Variants in NNMT observed in about 807,000 individuals in gnomAD.
The protein encoded by NNMT is nicotinamide N-methyltransferase.
In NNMT, 10 loss-of-function variants were observed where a neutral mutation model predicts 11.7. The observed-to-expected ratio is 0.85, with a 90% confidence interval of 0.53 to 1.45. The LOEUF is 1.45. Ranked by LOEUF, NNMT falls within the 40% of genes most tolerant of loss-of-function variation. The pLI, the probability that NNMT is intolerant of heterozygous loss-of-function variation, is 0.00. For missense variants in NNMT, 381 were observed against 319.4 expected, an observed-to-expected ratio of 1.19 and a Z score of -1.47; for synonymous variants, 143 against 133.8, an observed-to-expected ratio of 1.07 and a Z score of -0.48.
intron 2 of NNMT, 68 bp downstream of exon 2, chr11:114,298,226 A>G (rs954088129): frequency 1.4e-5 from 19 of 1,331,610 alleles, no homozygotes; most frequent in Non-Finnish European, 1.9e-5. Context: ...AAAGCAACAG[A>G]CAGATAGGGA....
In NNMT at chr11:114,312,132, G is replaced by A; in HGVS notation, c.450G>A (p.Gly150=). ...ATGTGACTCAGAGCCAGCCACTGGG[G>A]GCCGTCCCCTTACCCCCGGCTGACT... The part of the protein sequence containing the change: ...KCDVTQSQPL[G]AVPLPPADCV... The change falls in exon 3 of 3, where the codon GGG becomes GGA. Residue 150 remains glycine, a synonymous_variant. Transcript: ENST00000299964. 6.2e-7 allele frequency: 1 copy of A among 1,613,868 alleles called. No individual in the cohort carries two copies. The highest frequency in any genetic ancestry group is 8.5e-7 in the Non-Finnish European group (1 of 1,179,846).
chr11:114,277,131 G>A (rs1414826099), intron 2 of NNMT, among the ~76,000 whole-genome samples: 1 of 152,154 alleles, frequency 6.6e-6, no homozygotes, highest in Non-Finnish European at 1.5e-5. Context: ...GCTGAAGCAG[G>A]AGAATCTCTT....
intron 2 of NNMT, among the ~76,000 whole-genome samples, chr11:114,298,736 C>T (rs1363420989): frequency 1.3e-5 from 2 of 152,206 alleles, no homozygotes; most frequent in African/African-American, 4.8e-5. Flanking sequence ...ACTTTGTATA[C>T]TTACAACTAA....
chr11:114,294,725 C>T (rs886254606), upstream of NNMT, among the ~76,000 whole-genome samples: 1 of 151,494 alleles, frequency 6.6e-6, no homozygotes, highest in Admixed American at 6.6e-5. Flanking sequence ...TATACACCTA[C>T]TCTGTACCCA....
At chr11:114,266,275 G>A (rs1945119014) in intron 2 of NNMT, among the ~76,000 whole-genome samples, 1 of 152,108 alleles carries the variant, frequency 6.6e-6, no homozygotes, top group African/African-American at 2.4e-5. Flanking sequence ...ACTTGGCTTA[G>A]TCTACCTTTT....
chr11:114,259,800 C>T (rs568751164), intron 1 of NNMT, among the ~76,000 whole-genome samples: 13 of 152,308 alleles, frequency 8.5e-5, no homozygotes, highest in African/African-American at 3.1e-4. Flanking sequence ...AGCTTAAGCC[C>T]TCCTTTATTT....
intron 2 of NNMT, among the ~76,000 whole-genome samples, chr11:114,276,134 C>G (rs1376359049): frequency 6.9e-6 from 1 of 144,820 alleles, no homozygotes; most frequent in African/African-American, 2.6e-5. Context: ...GGGTACCTGC[C>G]AAGGCACCTT....
chr11:114,291,602 C>T (rs568806893), upstream of NNMT, among the ~76,000 whole-genome samples: 1 of 152,248 alleles, frequency 6.6e-6, no homozygotes, highest in East Asian at 1.9e-4. Flanking sequence ...GCTGTTGGCT[C>T]AATGCACGGC....
At chr11:114,261,837 C>A (rs1247004790) in intron 1 of NNMT, among the ~76,000 whole-genome samples, 7 of 152,190 alleles carry the variant, frequency 4.6e-5, no homozygotes, top group African/African-American at 1.7e-4. Context: ...CCAACTCCTC[C>A]CATCCCTAAA....
intron 1 of NNMT, among the ~76,000 whole-genome samples, chr11:114,262,002 A>G (rs1482426031): frequency 6.6e-6 from 1 of 152,108 alleles, no homozygotes; most frequent in Non-Finnish European, 1.5e-5. Context: ...GGTTTGCAGA[A>G]GGAGCCCAGA....
At chr11:114,305,041 G>A (rs1172770865) in intron 2 of NNMT, among the ~76,000 whole-genome samples, 1 of 152,218 alleles carries the variant, frequency 6.6e-6, no homozygotes, top group Non-Finnish European at 1.5e-5. Flanking sequence ...TAGGCTTGTG[G>A]TCCCTGGACT....
rs924336058 is a variant in NNMT, at chr11:114,307,492, TC to T, written c.363-4550del. On this transcript the variant is annotated intron_variant, in intron 2 of 2. Transcript: ENST00000299964. ...ACCCCTGTCTCCCTCCTGACTGGCC[TC>T]CCACTTCCACTCTTGCCCCTCCACT... Among the ~76,000 whole-genome samples, 8 of 152,120 alleles carry T rather than the reference TC, an allele frequency of 5.3e-5. 1 individual carries two copies. The highest frequency in any genetic ancestry group is 1.2e-4 in the Non-Finnish European group (8 of 68,016).
At chr11:114,280,148 A>C (rs565322910) in intron 2 of NNMT, among the ~76,000 whole-genome samples, 124 of 152,296 alleles carry the variant, frequency 8.1e-4, no homozygotes, top group African/African-American at 2.9e-3. Flanking sequence ...CCCTGCTCTC[A>C]TTCTAGTTGG....
intron 2 of NNMT, among the ~76,000 whole-genome samples, chr11:114,263,502 C>G (rs572808836): frequency 7.2e-5 from 11 of 152,152 alleles, no homozygotes; most frequent in Admixed American, 7.2e-4. Context: ...TTATTTACAA[C>G]CTGAAGGGTG....
At chr11:114,258,126 C>T (rs1945045163) in intron 1 of NNMT, among the ~76,000 whole-genome samples, 1 of 152,194 alleles carries the variant, frequency 6.6e-6, no homozygotes, top group South Asian at 2.1e-4. Flanking sequence ...TTGTGGGCAG[C>T]CTCCTCCAGA....
chr11:114,258,705 AATTC>A (rs1331380400), intron 1 of NNMT, among the ~76,000 whole-genome samples: 2 of 152,178 alleles, frequency 1.3e-5, no homozygotes, highest in Admixed American at 6.5e-5. Context: ...CTGAGGATGG[AATTC>A]AAACTCCTTA....
intron 2 of NNMT, among the ~76,000 whole-genome samples, chr11:114,278,868 A>C (rs1444322219): frequency 6.6e-6 from 1 of 152,174 alleles, no homozygotes; most frequent in Non-Finnish European, 1.5e-5. Flanking sequence ...AGGAGTGTGC[A>C]GCCAGAAAGC....
At chr11:114,307,185 A>G (rs1017302531) in intron 2 of NNMT, among the ~76,000 whole-genome samples, 3 of 152,210 alleles carry the variant, frequency 2.0e-5, no homozygotes, top group Admixed American at 6.5e-5. Flanking sequence ...CTATTTCCTC[A>G]ATTGTAAACA....
chr11:114,308,427 C>T (rs1039596027), intron 2 of NNMT, among the ~76,000 whole-genome samples: 1 of 152,158 alleles, frequency 6.6e-6, no homozygotes, highest in Non-Finnish European at 1.5e-5. Flanking sequence ...GGAACCGCCT[C>T]TAAATCTCAG....
Sources: allele counts gnomAD v4.1 joint callset (sites outside exome capture counted in the v4.1 genomes callset), GRCh38; gene constraint gnomAD v4.1.1; transcripts MANE v1.5; gene names NCBI Gene and HGNC (gene_info 2026-07-23, HGNC 2026-07-21).